Variants in ACSM3 observed in about 807,000 individuals in gnomAD.
ACSM3 encodes acyl-coenzyme A synthetase ACSM3, mitochondrial.
ACSM3 carries 61 observed loss-of-function variants against 74.1 expected under a neutral mutation model. The observed-to-expected ratio is 0.82, with a 90% CI of 0.67 to 1.02. ACSM3 has a LOEUF of 1.02. Ranked by LOEUF, ACSM3 falls within the 50% of genes least tolerant of loss-of-function variation. The probability of loss-of-function intolerance (pLI) is 0.00; values close to 1 mark genes in which losing one functional copy is unlikely to be tolerated. For missense variants in ACSM3, 660 were observed against 697.0 expected (o/e 0.95, Z 0.60); for synonymous variants, 213 against 241.5 (o/e 0.88, Z 1.09).
intron 1 of ACSM3, among the ~76,000 whole-genome samples, chr16:20,749,054 C>A (rs181798889): frequency 1.3e-5 from 2 of 151,990 alleles, no homozygotes; most frequent in Non-Finnish European, 2.9e-5. Flanking sequence ...GAGCGAAACT[C>A]CGTCTCCACA....
chr16:20,728,315 A>G (rs935333074), intron 1 of ACSM3: 1 of 737,898 alleles, frequency 1.4e-6, no homozygotes, highest in Non-Finnish European at 2.2e-6. Context: ...TATTCACTGT[A>G]CAACTATTTA....
At chr16:20,715,242 T>C (rs980319588) in intron 1 of ACSM3, among the ~76,000 whole-genome samples, 11 of 152,206 alleles carry the variant, frequency 7.2e-5, no homozygotes, top group African/African-American at 2.7e-4. Context: ...GATCTTTTTC[T>C]ATTTTAAGGG....
chr16:20,718,424 C>A, intron 1 of ACSM3: 2 of 731,692 alleles, frequency 2.7e-6, no homozygotes, highest in Non-Finnish European at 3.9e-6. Context: ...ACCAGTGGGA[C>A]GACAGGCTCT....
intron 2 of ACSM3, among the ~76,000 whole-genome samples, chr16:20,753,457 G>A (rs1287139630): frequency 9.2e-5 from 9 of 98,210 alleles, no homozygotes; most frequent in African/African-American, 2.9e-4. Flanking sequence ...GAACGAGACT[G>A]TCTCCAAAAA....
chr16:20,796,555 C>A (rs1334391099), intron 13 of ACSM3, 66 bp downstream of exon 13: 7 of 1,591,312 alleles, frequency 4.4e-6, no homozygotes, highest in South Asian at 1.1e-5. Context: ...TTTATTTTTA[C>A]ATTTTAATGA....
intron 9 of ACSM3, chr16:20,789,629 C>T: frequency 9.6e-7 from 1 of 1,046,740 alleles, no homozygotes; most frequent in Non-Finnish European, 1.5e-6. Context: ...AGACCTATTG[C>T]TAAATGATAA....
At chr16:20,741,112 C>T (rs2079915422) in intron 1 of ACSM3, among the ~76,000 whole-genome samples, 1 of 152,106 alleles carries the variant, frequency 6.6e-6, no homozygotes, top group South Asian at 2.1e-4. Context: ...ATTTACAAAA[C>T]TTAGCCGAGA....
intron 1 of ACSM3, among the ~76,000 whole-genome samples, chr16:20,709,085 C>T (rs1014093631): frequency 3.3e-5 from 5 of 152,140 alleles, no homozygotes; most frequent in African/African-American, 1.2e-4. Context: ...ACATATGTAA[C>T]AAACCTGCAC....
Position 20,777,552 on chromosome 16 carries a change from G to A in ACSM3, c.610G>A (p.Gly204Arg), listed in dbSNP as rs1208337272. ...KLIVSENSRE[G>R]WGNLKELMKH... The stretch of plus-strand genomic sequence containing the variant: ...GATTGTATCAGAGAACTCCAGAGAG[G>A]GGTGGGGGAACCTCAAGGAGTTGAT... Residue 204 changes from glycine (G) to arginine (R), a missense_variant, in exon 4 of 14, where the codon GGG (glycine) becomes AGG (arginine). Physicochemically the swap from Gly to Arg is moderately radical, Grantham distance 125 (BLOSUM62 -2). Transcript: ENST00000289416. The A allele has an allele frequency of 6.2e-7, 1 of 1,614,072 alleles. No homozygotes were observed. The highest frequency in any genetic ancestry group is 1.7e-5 in the Admixed American group (1 of 60,014).
rs544396209 is a variant in ACSM3, at chr16:20,717,358, G to C, written c.-189-32552G>C. Among the ~76,000 whole-genome samples the C allele has an allele frequency of 9.8e-5, 15 of 152,296 alleles. No homozygotes were observed. The East Asian group carries it at 2.9e-3, about 29-fold the overall frequency. On this transcript the variant is annotated intron_variant, in intron 1 of 3. Transcript: ENST00000561584. ...ATCAAGCTCCCCCAGGAGCTATACA[G>C]GACAGTCTTACCGGAAGCACTTGAT...
rs1567311080 is a variant in ACSM3 at position 20,685,842 on chromosome 16, AAAAAC to A, written c.-190+11025_-190+11029del. ...CTCAAAAAAAAAAAACAAACAAAAA[AAAAAC>A]AAAAAACTTATAGCATCAGGAGAGG... On this transcript the variant is annotated intron_variant, in intron 1 of 3. Coordinates refer to the ACSM3 transcript ENST00000561584. Among the ~76,000 whole-genome samples the A allele has an allele frequency of 2.8e-4, 35 of 123,618 alleles. 8 individuals are homozygous for A. Among genetic ancestry groups the A allele is most frequent in the South Asian group, 8.4e-4 (3 of 3,564 alleles). The allele number at this position is 123,618 out of a possible 152,430, so 81.1% of individuals were successfully genotyped here.
At chr16:20,779,412 A>G (rs1476627590) in intron 4 of ACSM3, among the ~76,000 whole-genome samples, 4 of 137,364 alleles carry the variant, frequency 2.9e-5, no homozygotes. Flanking sequence ...TGAGAGAGAG[A>G]GAAACCCTGT....
chr16:20,785,421 T>C (rs1391468749), intron 8 of ACSM3, among the ~76,000 whole-genome samples: 4 of 152,182 alleles, frequency 2.6e-5, no homozygotes, highest in African/African-American at 9.7e-5. Flanking sequence ...AAGTATCTTA[T>C]TTAGGGCTGC....
At chr16:20,688,313 C>T (rs536291889) in intron 1 of ACSM3, among the ~76,000 whole-genome samples, 1 of 152,098 alleles carries the variant, frequency 6.6e-6, no homozygotes, top group Non-Finnish European at 1.5e-5. Context: ...TTATAGGACA[C>T]TATCAAGCCA....
intron 3 of ACSM3, among the ~76,000 whole-genome samples, chr16:20,756,394 G>A (rs1206228350): frequency 6.6e-6 from 1 of 151,750 alleles, no homozygotes; most frequent in Non-Finnish European, 1.5e-5. Flanking sequence ...GTGATGATGA[G>A]CATTTTTTCA....
chr16:20,788,433 C>T (rs1326751716), intron 9 of ACSM3, among the ~76,000 whole-genome samples: 1 of 152,210 alleles, frequency 6.6e-6, no homozygotes, highest in African/African-American at 2.4e-5. Flanking sequence ...TTTTCTAGAG[C>T]AGCTATCTTT....
intron 3 of ACSM3, among the ~76,000 whole-genome samples, chr16:20,756,485 GT>G (rs942251740): frequency 1.3e-5 from 2 of 151,976 alleles, no homozygotes; most frequent in Non-Finnish European, 2.9e-5. Context: ...GGGGTTGTTT[GT>G]TTTTTTCTTG....
At chr16:20,796,842 G>C (rs376293834) in intron 13 of ACSM3, 44 bp from the exon 14 acceptor site, 1 of 1,605,764 alleles carries the variant, frequency 6.2e-7, no homozygotes, top group Middle Eastern at 1.7e-4. Flanking sequence ...TTTATGTAAA[G>C]ATAAAAATTT....
intron 3 of ACSM3, among the ~76,000 whole-genome samples, chr16:20,776,700 C>A (rs2080259891): frequency 6.6e-6 from 1 of 152,172 alleles, no homozygotes; most frequent in African/African-American, 2.4e-5. Flanking sequence ...GATGCAGAAC[C>A]TGAAGCTCAC....
Sources: gnomAD v4.1 joint callset for allele counts (sites outside exome capture counted in the v4.1 genomes callset) on GRCh38, gnomAD v4.1.1 for gene constraint, MANE v1.5 for transcripts, NCBI Gene and HGNC (gene_info 2026-07-23, HGNC 2026-07-21) for gene names.